EPS8L2: variants seen among roughly 807,000 people sequenced by gnomAD.
EPS8L2 encodes the protein epidermal growth factor receptor kinase substrate 8-like protein 2.
EPS8L2 carries 81 observed loss-of-function variants against 99.4 expected under a neutral mutation model. That is an observed-to-expected ratio of 0.82 (90% CI 0.68 to 0.98). The LOEUF (loss-of-function observed/expected upper bound fraction) is 0.98, where lower values mean the gene tolerates loss of function less well. Among genes scored for constraint, EPS8L2 ranks in the 50% least tolerant of loss-of-function variants. The pLI is 0.00. For missense variants in EPS8L2, 1,155 were observed against 968.8 expected (o/e 1.19, Z -2.55); for synonymous variants, 509 against 407.3 (o/e 1.25, Z -3.01).
rs904185089 is a variant in EPS8L2, at chr11:720,820, G to T, written c.478-10G>T. 7 of 1,542,754 alleles carry T rather than the reference G, an allele frequency of 4.5e-6. No individual in the cohort carries two copies. The highest frequency in any genetic ancestry group is 4.1e-5 in the African/African-American group (3 of 72,868). On this transcript the variant is annotated splice_polypyrimidine_tract_variant and intron_variant, in intron 6 of 20. Transcript: ENST00000318562. ...CCGCCCTCCTGGCCGCCTGACGCCCGCTTTCCCAGGCAGAGCTGGTGCACG... is the reference window on the plus strand; with the variant it reads ...CCGCCCTCCTGGCCGCCTGACGCCCTCTTTCCCAGGCAGAGCTGGTGCACG...
In EPS8L2 at chr11:720,866, G is replaced by T. The variant is rs765381407; in HGVS notation, c.514G>T (p.Ala172Ser). 7.2e-6 allele frequency: 11 copies of T among 1,533,172 alleles called. 1 individual carries two copies. In the South Asian group the frequency reaches 1.2e-4, roughly 17 times the overall value. The allele number at this position is 1,533,172 out of a possible 1,614,324, so 95.0% of individuals were successfully genotyped here. ...GCACGAGGACATCGAGAGCGCGTTG[G>T]CCGACTGCCGGCTGGGCAAGAAGAT... is the stretch of plus-strand genomic sequence containing the variant. Reference protein sequence around the residue: ...LVHEDIESALADCRLGKKMRP... With the variant: ...LVHEDIESALSDCRLGKKMRP... The change falls in exon 7 of 21, where the codon GCC (alanine) becomes TCC (serine). Residue 172 changes from alanine to serine, a missense_variant. By Grantham distance (99) the Ala-to-Ser change is moderately conservative (BLOSUM62 1). Transcript: ENST00000318562.
Position 710,249 on chromosome 11 carries a change from AG to A in EPS8L2, c.101-168del, listed in dbSNP as rs1366859502. ...CAAGGGGGCTTCCCTGGAGGGAGGGAGGGGGCTTCCTGCAGGTCCTGATTTC... is the reference window on the plus strand; with the variant it reads ...CAAGGGGGCTTCCCTGGAGGGAGGGAGGGGCTTCCTGCAGGTCCTGATTTC... On this transcript the variant is annotated intron_variant, in intron 3 of 20. Coordinates refer to ENST00000318562, the MANE Select transcript of EPS8L2 (RefSeq NM_022772.4). The A allele has an allele frequency of 8.0e-6, 5 of 624,220 alleles. No homozygotes were observed. The East Asian group carries it at 1.4e-4, about 18-fold the overall frequency. The allele number at this position is 624,220 out of a possible 1,614,324, so 38.7% of individuals were successfully genotyped here.
chr11:714,813 A>G (rs1861975271), intron 4 of EPS8L2, among the ~76,000 whole-genome samples: 1 of 151,804 alleles, frequency 6.6e-6, no homozygotes, highest in Non-Finnish European at 1.5e-5. Context: ...TATTGTTGTT[A>G]GGGGTATTTT....
intron 16 of EPS8L2, 136 bp from the exon 17 acceptor site, chr11:725,592 G>T (rs1862291356): frequency 2.5e-6 from 2 of 801,130 alleles, no homozygotes; most frequent in Non-Finnish European, 3.4e-6. Context: ...GTGGAAACAG[G>T]GGTGCGGAGA....
chr11:724,877 T>C lies in EPS8L2; in HGVS notation c.1560+48T>C, dbSNP rs777990775. 4 of 1,435,888 alleles carry C rather than the reference T, an allele frequency of 2.8e-6. No individual in the cohort carries two copies. 88.9% of individuals were successfully genotyped at this position (1,435,888 alleles called of 1,614,324 possible). ...CCAAGAGGGGGAAACAGGGCAGGGC[T>C]TCAAGGGAGGGGCTACCAGGGGAGG... On this transcript the variant is annotated intron_variant, in intron 16 of 20. Coordinates refer to ENST00000318562, the MANE Select transcript of EPS8L2 (RefSeq NM_022772.4). The surrounding 1 kb of genome is among the most constrained non-coding windows in gnomAD (Gnocchi z 5.5).
rs576177004 is a variant in EPS8L2, at chr11:710,562, C to A, written c.165+76C>A. On this transcript the variant is annotated intron_variant, in intron 4 of 20. Transcript: ENST00000318562. ...CATGGCTGTCCTCAGGTTCTCGTCTCCACAAAAAATAAAATAATTAGACGG... is the reference window on the plus strand; with the variant it reads ...CATGGCTGTCCTCAGGTTCTCGTCTACACAAAAAATAAAATAATTAGACGG... The A allele has an allele frequency of 1.3e-4, 176 of 1,308,028 alleles. No individual in the cohort carries two copies. In the African/African-American group the frequency reaches 2.3e-3, roughly 17 times the overall value. The allele number at this position is 1,308,028 out of a possible 1,614,324, so 81.0% of individuals were successfully genotyped here. A position where few individuals can be genotyped will look rare whatever the true frequency, so the allele number is the denominator to read the frequency against.
In EPS8L2 at chr11:720,885, A is replaced by G. The variant is rs1354158434; in HGVS notation, c.533A>G (p.Lys178Arg). 3 of 1,431,504 alleles carry G rather than the reference A, an allele frequency of 2.1e-6. No homozygotes were observed. The Admixed American group carries it at 6.5e-5, about 31-fold the overall frequency. 88.7% of individuals were successfully genotyped at this position (1,431,504 alleles called of 1,614,324 possible). A position where few individuals can be genotyped will look rare whatever the true frequency, so the allele number is the denominator to read the frequency against. The change falls in exon 7 of 21, where the codon AAG (lysine) becomes AGG (arginine). Residue 178 changes from lysine to arginine, a missense_variant. By Grantham distance (26) the Lys-to-Arg change is conservative. Coordinates refer to ENST00000318562, the MANE Select transcript of EPS8L2 (RefSeq NM_022772.4). ...GCGTTGGCCGACTGCCGGCTGGGCAAGAAGATGCGGCCGCAGACCCTGAAG... is the reference window on the plus strand; with the variant it reads ...GCGTTGGCCGACTGCCGGCTGGGCAGGAAGATGCGGCCGCAGACCCTGAAG... ...ESALADCRLG[K>R]KMRPQTLKGH...
chr11:724,734 C>T lies in EPS8L2; in HGVS notation c.1465C>T (p.Pro489Ser). 2 of 1,612,948 alleles carry T rather than the reference C, an allele frequency of 1.2e-6. No homozygotes were observed. The highest frequency in any genetic ancestry group is 1.7e-6 in the Non-Finnish European group (2 of 1,179,598). Residue 489 changes from proline to serine, a missense_variant, in exon 16 of 21, where the codon CCA becomes TCA. Transcript: ENST00000318562. The surrounding 1 kb of genome is among the most constrained non-coding windows in gnomAD (Gnocchi z 5.5). ...SSPHTHRGYQ[P>S]TPAMAKYVKI... The stretch of plus-strand genomic sequence containing the variant: ...TCCTGTTCCTCACAGGGGCTACCAG[C>T]CAACACCAGCCATGGCCAAGTACGT...
rs1201233215 is a variant in EPS8L2 at position 724,726 on chromosome 11, G to C, written c.1457G>C (p.Gly486Ala). 6.2e-7 allele frequency: 1 copy of C among 1,612,606 alleles called. No individual in the cohort carries two copies. The highest frequency in any genetic ancestry group is 1.7e-5 in the Admixed American group (1 of 60,012). The change falls in exon 16 of 21, where the codon GGC (glycine) becomes GCC (alanine). Residue 486 changes from glycine (G) to alanine (A), a missense_variant and splice_region_variant. Gly to Ala is a moderately conservative substitution (Grantham distance 60). Transcript: ENST00000318562. The surrounding 1 kb of genome is among the most constrained non-coding windows in gnomAD (Gnocchi z 5.5). Reference sequence around the variant, plus strand: ...TCAGCCCCTCCTGTTCCTCACAGGGGCTACCAGCCAACACCAGCCATGGCC... The same window carrying C: ...TCAGCCCCTCCTGTTCCTCACAGGGCCTACCAGCCAACACCAGCCATGGCC... ...PPVSSPHTHRGYQPTPAMAKY... is the reference protein window; with the variant it reads ...PPVSSPHTHRAYQPTPAMAKY...
At chr11:721,495 G>A in intron 9 of EPS8L2, 70 bp from the exon 10 acceptor site, 1 of 1,512,992 alleles carries the variant, frequency 6.6e-7, no homozygotes, top group South Asian at 1.3e-5. Context: ...TCATCTGTGG[G>A]GCTGTCCCTG....
At position 721,927 on chromosome 11, in the gene EPS8L2, G is replaced by A. The variant is rs761604917; in HGVS notation, c.920G>A (p.Arg307Gln). 1.2e-5 allele frequency: 19 copies of A among 1,595,690 alleles called. No individual in the cohort carries two copies. In the Admixed American group the frequency reaches 1.2e-4, roughly 10 times the overall value. Reference protein sequence around the residue: ...PAEGVLTLRARPPSEGEFIDC... With the variant: ...PAEGVLTLRAQPPSEGEFIDC... ...GAGGGCGTCCTCACACTGCGGGCAC[G>A]GCCCCCCTCTGAGGGCGAGTTCATC... Residue 307 changes from arginine to glutamine, a missense_variant, in exon 11 of 21, where the codon CGG becomes CAG. Transcript: ENST00000318562.
At chr11:723,918 T>C (rs1295532395) in intron 15 of EPS8L2, among the ~76,000 whole-genome samples, 1 of 152,174 alleles carries the variant, frequency 6.6e-6, no homozygotes, top group Non-Finnish European at 1.5e-5. Flanking sequence ...CAGGATTCAA[T>C]TTTGGGGTAA....
intron 19 of EPS8L2, 24 bp downstream of exon 19, chr11:726,508 T>TCG (rs1219238252): frequency 6.6e-7 from 1 of 1,514,236 alleles, no homozygotes; most frequent in Admixed American, 2.1e-5. Flanking sequence ...GGGGATGAGC[T>TCG]GGGGCCCGGG....
Position 724,660 on chromosome 11 carries a change from C to A in EPS8L2, c.1455-64C>A. 8.6e-7 allele frequency: 1 copy of A among 1,165,344 alleles called. No individual in the cohort carries two copies. The highest frequency in any genetic ancestry group is 1.3e-6 in the Non-Finnish European group (1 of 774,438). The allele number at this position is 1,165,344 out of a possible 1,614,324, so 72.2% of individuals were successfully genotyped here. On this transcript the variant is annotated intron_variant, in intron 15 of 20. Transcript: ENST00000318562. This position sits in a 1 kb window ranked among gnomAD's most constrained non-coding sequence, Gnocchi z 5.5. ...ACCTGGGAAGCTGCTGCCCCCCAGC[C>A]ACTGCCCAGGTCTCAGAGGAGACCC... is the stretch of plus-strand genomic sequence containing the variant.
intron 1 of EPS8L2, 113 bp from the exon 2 acceptor site, chr11:709,216 GC>G (rs1373102585): frequency 3.2e-6 from 2 of 618,838 alleles, no homozygotes; most frequent in African/African-American, 2.3e-5. Flanking sequence ...CAGGGGCTCT[GC>G]CCCCCAAGGG....
intron 14 of EPS8L2, 66 bp downstream of exon 14, chr11:722,871 C>A (rs1450088489): frequency 2.6e-5 from 29 of 1,127,430 alleles, no homozygotes; most frequent in Middle Eastern, 3.0e-4. Context: ...AGAGCTCCCC[C>A]CCAGCCCTGA....
chr11:708,175 CA>C (rs1861781431), intron 1 of EPS8L2, among the ~76,000 whole-genome samples: 1 of 152,156 alleles, frequency 6.6e-6, no homozygotes, highest in Non-Finnish European at 1.5e-5. Context: ...CCACAGGGGA[CA>C]GCCCTGCAGC....
In EPS8L2 at chr11:726,938, A is replaced by G. The variant is rs1325435615; in HGVS notation, c.2105A>G (p.Asn702Ser). The G allele has an allele frequency of 6.2e-7, 1 of 1,613,464 alleles. No homozygotes were observed. The highest frequency in any genetic ancestry group is 1.1e-5 in the South Asian group (1 of 90,990). ...QSGSELEELM[N>S]KFHSMNQRRG... is the part of the protein sequence containing the mutation. Reference sequence around the variant, plus strand: ...GGGTCGGAGCTGGAAGAACTCATGAACAAGTTTCATTCCATGAATCAGAGG... The same window carrying G: ...GGGTCGGAGCTGGAAGAACTCATGAGCAAGTTTCATTCCATGAATCAGAGG... The change falls in exon 21 of 21, where the codon AAC (asparagine) becomes AGC (serine). Residue 702 changes from asparagine to serine, a missense_variant. Asn to Ser is a conservative substitution (Grantham distance 46). Transcript: ENST00000318562.
In EPS8L2 at chr11:709,451, A is replaced by G. The variant is rs1459320754; in HGVS notation, c.44A>G (p.Asn15Ser). The G allele has an allele frequency of 1.3e-6, 2 of 1,599,120 alleles. No homozygotes were observed. Among genetic ancestry groups the G allele is most frequent in the South Asian group, 1.1e-5 (1 of 88,446 alleles). ...GAVSCCPGAT[N>S]GSLGRSDGVA... ...GTGAGCTGCTGCCCGGGTGCCACCA[A>G]GTGAGCCCTCCCACCCATCCCGAAT... The change falls in exon 2 of 21, where the codon AAT becomes AGT. Residue 15 changes from asparagine (N) to serine (S), a missense_variant and splice_region_variant. Transcript: ENST00000318562.
Sources: gnomAD v4.1 joint callset for allele counts (sites outside exome capture counted in the v4.1 genomes callset) on GRCh38, gnomAD v4.1.1 for gene constraint, Gnocchi (gnomAD v3.1) non-coding constraint, MANE v1.5 for transcripts, NCBI Gene and HGNC (gene_info 2026-07-23, HGNC 2026-07-21) for gene names.